SMIM14: variants seen among roughly 807,000 people sequenced by gnomAD.
SMIM14 encodes the protein chromosome 4 open reading frame 34.
SMIM14 carries 5 observed loss-of-function variants against 12.6 expected under a neutral mutation model. The ratio of observed to expected loss-of-function variants is 0.40; its 90% CI spans 0.21 to 0.83. The LOEUF (loss-of-function observed/expected upper bound fraction) is 0.83, where lower values mean the gene tolerates loss of function less well. SMIM14 is among the 40% of genes least tolerant of loss of function. The probability of loss-of-function intolerance (pLI) is 0.37; values close to 1 mark genes in which losing one functional copy is unlikely to be tolerated. For missense variants in SMIM14, 86 were observed against 119.1 expected, an observed-to-expected ratio of 0.72 and a Z score of 1.29; for synonymous variants, 30 against 40.1, an observed-to-expected ratio of 0.75 and a Z score of 0.95.
chr4:39,607,263 G>A (rs1386579814), intron 1 of SMIM14, among the ~76,000 whole-genome samples: 1 of 152,154 alleles, frequency 6.6e-6, no homozygotes, highest in Admixed American at 6.5e-5. Context: ...AATGTGCATA[G>A]TTTATTGTTT....
At chr4:39,618,768 T>C (rs1308328458) in intron 1 of SMIM14, among the ~76,000 whole-genome samples, 3 of 151,874 alleles carry the variant, frequency 2.0e-5, no homozygotes, top group Non-Finnish European at 4.4e-5. Flanking sequence ...TACCATTGCA[T>C]AATAGCTTTT....
intron 2 of SMIM14, among the ~76,000 whole-genome samples, chr4:39,598,872 A>C (rs187309165): frequency 7.6e-4 from 114 of 149,542 alleles, no homozygotes; most frequent in Non-Finnish European, 1.4e-3. Context: ...CCCTGCAACT[A>C]AGCCAGCTCC....
chr4:39,622,352 G>A (rs978999249), intron 1 of SMIM14, among the ~76,000 whole-genome samples: 9 of 151,950 alleles, frequency 5.9e-5, no homozygotes, highest in African/African-American at 1.9e-4. Context: ...AAAGTGCTGG[G>A]ATTACAGGCG....
At chr4:39,626,825 T>C (rs1279676441) in intron 1 of SMIM14, among the ~76,000 whole-genome samples, 1 of 152,208 alleles carries the variant, frequency 6.6e-6, no homozygotes, top group Non-Finnish European at 1.5e-5. Flanking sequence ...CCTCATCTCC[T>C]TAATGTTTCC....
At chr4:39,597,010 A>G (rs1714394424) in intron 2 of SMIM14, among the ~76,000 whole-genome samples, 1 of 151,652 alleles carries the variant, frequency 6.6e-6, no homozygotes, top group East Asian at 1.9e-4. Flanking sequence ...TCCTAGGTTC[A>G]AGCAATCTGC....
At chr4:39,560,600 C>G (rs1251274207) in intron 3 of SMIM14, among the ~76,000 whole-genome samples, 5 of 150,708 alleles carry the variant, frequency 3.3e-5, no homozygotes, top group Non-Finnish European at 7.4e-5. Context: ...GAGCTGAGAT[C>G]GCGCCACTGC....
At chr4:39,592,727 A>G (rs1327818885) in intron 2 of SMIM14, 1 of 152,188 alleles carries the variant, frequency 6.6e-6, no homozygotes, top group African/African-American at 2.4e-5. Flanking sequence ...GGATATCACC[A>G]CCAATCCCAC....
At chr4:39,622,247 C>T (rs1037633429) in intron 1 of SMIM14, among the ~76,000 whole-genome samples, 8 of 151,622 alleles carry the variant, frequency 5.3e-5, no homozygotes, top group Non-Finnish European at 1.0e-4. Context: ...TCGTGCCCAG[C>T]TAATTTTTGT....
chr4:39,629,999 T>G (rs1278345513), intron 1 of SMIM14, among the ~76,000 whole-genome samples: 1 of 152,136 alleles, frequency 6.6e-6, no homozygotes, highest in Admixed American at 6.6e-5. Context: ...TTACAAGCAA[T>G]GGTACCAGTT....
At chr4:39,559,854 T>C (rs1178322728) in intron 3 of SMIM14, among the ~76,000 whole-genome samples, 1 of 152,022 alleles carries the variant, frequency 6.6e-6, no homozygotes, top group Non-Finnish European at 1.5e-5. Context: ...TGGCAGCTCA[T>C]GTCTGTAATC....
At chr4:39,626,182 T>A (rs1715691570) in intron 1 of SMIM14, among the ~76,000 whole-genome samples, 1 of 152,120 alleles carries the variant, frequency 6.6e-6, no homozygotes, top group South Asian at 2.1e-4. Context: ...TAGAATAGCT[T>A]CATCCCAAAA....
At chr4:39,561,785 A>T (rs1282332380) in intron 3 of SMIM14, among the ~76,000 whole-genome samples, 1 of 151,928 alleles carries the variant, frequency 6.6e-6, no homozygotes, top group Admixed American at 6.6e-5. Flanking sequence ...AAATACAAAA[A>T]TTAGCCAAGC....
In SMIM14 at chr4:39,558,315, C is replaced by T. The variant is rs1712118082; in HGVS notation, c.125-1745G>A. Among the ~76,000 whole-genome samples, 2 of 152,158 alleles carry T rather than the reference C, an allele frequency of 1.3e-5. No homozygotes were observed. The highest frequency in any genetic ancestry group is 2.9e-5 in the Non-Finnish European group (2 of 68,028). ...CCAGCCTGGGCGATATGGTGAAACC[C>T]CATCTCTGAGGGAGAAGAAAAGGAA... is the stretch of plus-strand genomic sequence containing the variant. On this transcript the variant is annotated intron_variant, in intron 3 of 4. Coordinates refer to ENST00000295958, the MANE Select transcript of SMIM14 (RefSeq NM_174921.3). The surrounding 1 kb of genome is among the most constrained non-coding windows in gnomAD (Gnocchi z 4.3).
intron 1 of SMIM14, among the ~76,000 whole-genome samples, chr4:39,620,393 G>A (rs909006396): frequency 6.6e-6 from 1 of 152,076 alleles, no homozygotes; most frequent in African/African-American, 2.4e-5. Context: ...GCAGGAGAAT[G>A]GCGTGAACCT....
At chr4:39,580,378 C>T (rs1434374116) in intron 2 of SMIM14, among the ~76,000 whole-genome samples, 1 of 152,024 alleles carries the variant, frequency 6.6e-6, no homozygotes, top group Non-Finnish European at 1.5e-5. Flanking sequence ...GACAGTCTCC[C>T]TATGCTGTCC....
chr4:39,604,987 C>A lies in SMIM14; in HGVS notation c.75+84G>T. 6 of 832,590 alleles carry A rather than the reference C, an allele frequency of 7.2e-6. No individual in the cohort carries two copies. The South Asian group carries it at 7.7e-5, about 11-fold the overall frequency. 51.6% of individuals were successfully genotyped at this position (832,590 alleles called of 1,614,324 possible). On this transcript the variant is annotated intron_variant, in intron 2 of 4. Transcript: ENST00000295958. ...CTCTTTAGTGACCATCAGATGAAAA[C>A]CCTCCAATAACCAGTATTTTCATGA...
At chr4:39,575,764 T>G (rs1713135085) in intron 2 of SMIM14, among the ~76,000 whole-genome samples, 2 of 148,440 alleles carry the variant, frequency 1.3e-5, no homozygotes, top group Admixed American at 6.7e-5. Flanking sequence ...TTTTTTTTTT[T>G]TTTGTATTTT....
At chr4:39,625,557 T>TA (rs1353372352) in intron 1 of SMIM14, among the ~76,000 whole-genome samples, 1 of 152,086 alleles carries the variant, frequency 6.6e-6, no homozygotes, top group East Asian at 1.9e-4. Context: ...TTCTCTGCCT[T>TA]AATCTCTCGA....
At chr4:39,628,414 C>T (rs1715780979) in intron 1 of SMIM14, among the ~76,000 whole-genome samples, 1 of 151,884 alleles carries the variant, frequency 6.6e-6, no homozygotes, top group South Asian at 2.1e-4. Context: ...GTGGCTCACG[C>T]CTGTAATCCC....
Sources: allele counts gnomAD v4.1 joint callset (sites outside exome capture counted in the v4.1 genomes callset), GRCh38; gene constraint gnomAD v4.1.1; non-coding constraint Gnocchi (gnomAD v3.1); transcripts MANE v1.5; gene names NCBI Gene and HGNC (gene_info 2026-07-23, HGNC 2026-07-21).